The following FREM1 variants were observed in gnomAD, a reference collection of about 807,000 sequenced individuals.
FREM1 encodes FRAS1 related extracellular matrix 1.
FREM1 carries 220 observed loss-of-function variants against 210.1 expected under a neutral mutation model. The observed-to-expected ratio is 1.05, with a 90% confidence interval of 0.94 to 1.17. The LOEUF (loss-of-function observed/expected upper bound fraction) is 1.17, where lower values mean the gene tolerates loss of function less well. Ranked by LOEUF, FREM1 falls within the 50% of genes most tolerant of loss-of-function variation. FREM1 has a pLI of 0.00. For missense variants in FREM1, 3,454 were observed against 2,675.5 expected (o/e 1.29, Z -6.42); for synonymous variants, 1,189 against 980.2 (o/e 1.21, Z -3.98).
At position 14,824,874 on chromosome 9, in the gene FREM1, T is replaced by C; in HGVS notation, c.2000A>G (p.His667Arg). The C allele has an allele frequency of 1.2e-6, 2 of 1,613,608 alleles. No individual in the cohort carries two copies. Among genetic ancestry groups the C allele is most frequent in the Non-Finnish European group, 1.7e-6 (2 of 1,179,650 alleles). The change falls in exon 11 of 37, where the codon CAT becomes CGT. Residue 667 changes from histidine (H) to arginine (R), a missense_variant. Physicochemically the swap from His to Arg is conservative, Grantham distance 29. Coordinates refer to ENST00000380880, the MANE Select transcript of FREM1 (RefSeq NM_001379081.2). ...GTCATATGATTCTGAATCTATAAAA[T>C]GTAGCTGTTTCTTAGTTATATAGGC... ...EVAYITKKQL[H>R]FIDSESYDRE... is the part of the protein sequence containing the mutation.
intron 18 of FREM1, among the ~76,000 whole-genome samples, chr9:14,805,410 G>A (rs911614753): frequency 9.9e-5 from 15 of 152,176 alleles, no homozygotes; most frequent in African/African-American, 3.1e-4. Context: ...TATGCACAGG[G>A]ACTTCAAGAA....
At chr9:14,859,588 G>A (rs1175374124) in intron 3 of FREM1, 104 bp from the exon 4 acceptor site, 2 of 910,380 alleles carry the variant, frequency 2.2e-6, no homozygotes, top group African/African-American at 1.7e-5. Context: ...CCAAATTTGT[G>A]CCACAGATTG....
intron 1 of FREM1, among the ~76,000 whole-genome samples, chr9:14,896,794 C>T (rs1837826562): frequency 6.6e-6 from 1 of 152,198 alleles, no homozygotes. Flanking sequence ...ATCAAACTCA[C>T]CAGTATACAC....
intron 1 of FREM1, among the ~76,000 whole-genome samples, chr9:14,895,830 C>T (rs976837619): frequency 1.3e-5 from 2 of 152,076 alleles, no homozygotes; most frequent in Non-Finnish European, 2.9e-5. Context: ...GCAGGAATAT[C>T]ATCACCCCTA....
chr9:14,792,970 C>T, intron 21 of FREM1, 86 bp from the exon 22 acceptor site: 2 of 752,956 alleles, frequency 2.7e-6, no homozygotes, highest in Admixed American at 3.1e-5. Context: ...TCACAGTTCC[C>T]AATCTTCAAC....
At chr9:14,766,842 T>C (rs1846508486) in intron 27 of FREM1, among the ~76,000 whole-genome samples, 2 of 152,208 alleles carry the variant, frequency 1.3e-5, no homozygotes, top group Non-Finnish European at 1.5e-5. Flanking sequence ...CATTGATTAA[T>C]ATGCATATTG....
In FREM1 at chr9:14,831,967, C is replaced by T. The variant is rs537467487; in HGVS notation, c.1882-6975G>A. Among the ~76,000 whole-genome samples the T allele has an allele frequency of 3.3e-5, 5 of 152,312 alleles. No homozygotes were observed. The South Asian group carries it at 1.0e-3, about 32-fold the overall frequency. On this transcript the variant is annotated intron_variant, in intron 10 of 36. Coordinates refer to ENST00000380880, the MANE Select transcript of FREM1 (RefSeq NM_001379081.2). ...GCCCTCTACTGTTTTCATCTCCATC[C>T]TGGATCACATACCGAAAGGAAGGAG...
chr9:14,885,716 T>A (rs894886856), intron 1 of FREM1, among the ~76,000 whole-genome samples: 3 of 106,138 alleles, frequency 2.8e-5, no homozygotes, highest in Non-Finnish European at 6.0e-5. Flanking sequence ...GCCACCAGGT[T>A]AATGACTTAA....
At chr9:14,848,858 G>C (rs2131343982) in intron 6 of FREM1, 85 bp from the exon 7 acceptor site, 2 of 706,838 alleles carry the variant, frequency 2.8e-6, no homozygotes, top group South Asian at 2.0e-5. Flanking sequence ...CCCACACACA[G>C]TGGATTCAGT....
chr9:14,741,640 T>C (rs1477466273), intron 35 of FREM1, among the ~76,000 whole-genome samples: 1 of 152,164 alleles, frequency 6.6e-6, no homozygotes, highest in Non-Finnish European at 1.5e-5. Context: ...AAATATAAGC[T>C]GAGGGAGGGC....
At chr9:14,830,394 C>T (rs952340817) in intron 10 of FREM1, among the ~76,000 whole-genome samples, 2 of 152,168 alleles carry the variant, frequency 1.3e-5, no homozygotes, top group African/African-American at 4.8e-5. Context: ...TTGATTTGAG[C>T]ACTAGTTTTC....
intron 15 of FREM1, 105 bp downstream of exon 15, chr9:14,816,673 C>T (rs1820363449): frequency 1.9e-6 from 1 of 531,118 alleles, no homozygotes; most frequent in Non-Finnish European, 2.9e-6. Flanking sequence ...GAGTCATGAG[C>T]CAAATAAATT....
intron 25 of FREM1, among the ~76,000 whole-genome samples, chr9:14,775,134 A>G (rs1015972807): frequency 6.6e-5 from 10 of 152,194 alleles, no homozygotes; most frequent in African/African-American, 2.4e-4. Context: ...TTCTCACCAC[A>G]ATGCTGTAGG....
At chr9:14,905,715 C>T (rs1347244614) in intron 1 of FREM1, among the ~76,000 whole-genome samples, 1 of 152,116 alleles carries the variant, frequency 6.6e-6, no homozygotes, top group Admixed American at 6.5e-5. Flanking sequence ...ATGGCAAAAC[C>T]CTGTCTCTAC....
At position 14,824,793 on chromosome 9, in the gene FREM1, T is replaced by C. The variant is rs542804286; in HGVS notation, c.2078+3A>G. On this transcript the variant is annotated splice_donor_region_variant and intron_variant, in intron 11 of 36. Transcript: ENST00000380880. ...GTAGCCCAAATGGTGACTTTTCAGA[T>C]ACCTGTGGCTGAAGGAGAAAAATGG... 3 of 1,606,302 alleles carry C rather than the reference T, an allele frequency of 1.9e-6. No individual in the cohort carries two copies. The highest frequency in any genetic ancestry group is 2.6e-6 in the Non-Finnish European group (3 of 1,175,364).
intron 27 of FREM1, among the ~76,000 whole-genome samples, chr9:14,763,311 G>C (rs1052339429): frequency 6.6e-6 from 1 of 152,154 alleles, no homozygotes; most frequent in Non-Finnish European, 1.5e-5. Flanking sequence ...AGCCAAAACT[G>C]TTTCGGGACC....
chr9:14,881,322 T>C (rs1834757093), intron 1 of FREM1, among the ~76,000 whole-genome samples: 1 of 152,222 alleles, frequency 6.6e-6, no homozygotes, highest in African/African-American at 2.4e-5. Flanking sequence ...TTACCTTTTG[T>C]AATTGATCAT....
rs1822678521 is a variant in FREM1, at chr9:14,827,400, T to C, written c.1882-2408A>G. ...AAGGCAGAACTGAGCAGGGATGAGGTAGGATGCGTGGTGGAAGAAATAACT... is the reference window on the plus strand; with the variant it reads ...AAGGCAGAACTGAGCAGGGATGAGGCAGGATGCGTGGTGGAAGAAATAACT... On this transcript the variant is annotated intron_variant, in intron 10 of 36. Coordinates refer to ENST00000380880, the MANE Select transcript of FREM1 (RefSeq NM_001379081.2). Among the ~76,000 whole-genome samples, 4 of 152,226 alleles carry C rather than the reference T, an allele frequency of 2.6e-5. No homozygotes were observed. In the South Asian group the frequency reaches 8.3e-4, roughly 32 times the overall value.
At chr9:14,886,062 C>A (rs111696125) in intron 1 of FREM1, among the ~76,000 whole-genome samples, 1 of 152,010 alleles carries the variant, frequency 6.6e-6, no homozygotes, top group Non-Finnish European at 1.5e-5. Flanking sequence ...TTTTTCACAA[C>A]TTTAGGTCTT....
Sources: allele counts gnomAD v4.1 joint callset (sites outside exome capture counted in the v4.1 genomes callset), GRCh38; gene constraint gnomAD v4.1.1; transcripts MANE v1.5; gene names NCBI Gene and HGNC (gene_info 2026-07-23, HGNC 2026-07-21).